The following BBX variants were observed in gnomAD, a reference collection of about 807,000 sequenced individuals.
The protein encoded by BBX is HMG box transcription factor BBX.
A neutral mutation model predicts 100.2 loss-of-function variants in BBX; 30 were observed. The observed-to-expected ratio is 0.30, with a 90% CI of 0.22 to 0.41. BBX has a LOEUF of 0.41. BBX is among the 10% of genes least tolerant of loss of function. BBX has a pLI of 1.00. For synonymous variants in BBX, 376 were observed against 388.1 expected (o/e 0.97, Z 0.37); for missense variants, 1,023 against 1,129.8 (o/e 0.91, Z 1.35).
intron 2 of BBX, among the ~76,000 whole-genome samples, chr3:107,641,086 T>C (rs2057170832): frequency 9.3e-6 from 1 of 107,956 alleles, no homozygotes; most frequent in African/African-American, 3.7e-5. Flanking sequence ...TTCTTTTCTT[T>C]CTTTTTTTTT....
chr3:107,524,807 G>T (rs1418867225), intron 1 of BBX, among the ~76,000 whole-genome samples: 1 of 146,430 alleles, frequency 6.8e-6, no homozygotes, highest in African/African-American at 2.5e-5. Flanking sequence ...GGAGGTGGGG[G>T]GGGGGGCGAA....
intron 2 of BBX, among the ~76,000 whole-genome samples, chr3:107,533,756 G>T (rs527262117): frequency 2.5e-4 from 38 of 152,134 alleles, no homozygotes; most frequent in Non-Finnish European, 5.0e-4. Flanking sequence ...ATTATGAAAG[G>T]CTACTTTCAT....
chr3:107,728,709 G>C, intron 5 of BBX, 56 bp from the exon 6 acceptor site: 2 of 1,496,386 alleles, frequency 1.3e-6, no homozygotes, highest in South Asian at 1.3e-5. Flanking sequence ...ACAGCCTTTA[G>C]AACTTTTTCA....
At chr3:107,801,338 A>G (rs982634856) in intron 17 of BBX, 57 bp downstream of exon 17, 1 of 1,560,084 alleles carries the variant, frequency 6.4e-7, no homozygotes, top group Non-Finnish European at 8.7e-7. Context: ...AACCTCTTTG[A>G]TGTGATTTGT....
chr3:107,684,628 C>A (rs1283931671), intron 3 of BBX: 1 of 152,170 alleles, frequency 6.6e-6, no homozygotes, highest in Non-Finnish European at 1.5e-5. Flanking sequence ...GCTGAAAACT[C>A]ACATGACTGA....
chr3:107,542,857 T>A (rs1363424221), intron 2 of BBX, among the ~76,000 whole-genome samples: 1 of 152,186 alleles, frequency 6.6e-6, no homozygotes, highest in Non-Finnish European at 1.5e-5. Flanking sequence ...CCACAATGCA[T>A]GGACCAGTCT....
intron 2 of BBX, among the ~76,000 whole-genome samples, chr3:107,592,209 G>A (rs191463840): frequency 5.3e-5 from 8 of 151,804 alleles, no homozygotes; most frequent in African/African-American, 1.9e-4. Context: ...GTTAAAAATG[G>A]TGTATTAAAC....
chr3:107,723,259 A>G (rs188783811), intron 5 of BBX, among the ~76,000 whole-genome samples: 1 of 152,156 alleles, frequency 6.6e-6, no homozygotes, highest in Admixed American at 6.6e-5. Flanking sequence ...GGACTTTTAG[A>G]TAGCACCTCC....
chr3:107,635,769 G>A (rs1354022289), intron 2 of BBX, among the ~76,000 whole-genome samples: 3 of 150,250 alleles, frequency 2.0e-5, no homozygotes, highest in Non-Finnish European at 4.4e-5. Flanking sequence ...CTGGGGTGCA[G>A]TGGCACCATC....
At chr3:107,556,322 A>G (rs923599466) in intron 2 of BBX, among the ~76,000 whole-genome samples, 1 of 152,202 alleles carries the variant, frequency 6.6e-6, no homozygotes, top group East Asian at 1.9e-4. Flanking sequence ...AAAATGGTTC[A>G]TATTAGATTC....
At chr3:107,801,058 A>G (rs1191638554) in intron 16 of BBX, 37 bp from the exon 17 acceptor site, 2 of 1,591,400 alleles carry the variant, frequency 1.3e-6, no homozygotes, top group Non-Finnish European at 1.7e-6. Flanking sequence ...GAGAGAACAG[A>G]GTGATCCTCT....
intron 3 of BBX, among the ~76,000 whole-genome samples, chr3:107,659,167 T>TA (rs1308635765): frequency 6.6e-6 from 1 of 151,898 alleles, no homozygotes; most frequent in Admixed American, 6.6e-5. Context: ...TGATGAGAGG[T>TA]AGGCATATTT....
Position 107,646,004 on chromosome 3 carries a change from C to G in BBX, c.-10+95C>G, listed in dbSNP as rs539029151. ...CTGTCAGAGCTGGTCTCAGCATGAT[C>G]AAGGAAGTGTGATCATTGGATATTT... On this transcript the variant is annotated intron_variant, in intron 3 of 17. Transcript: ENST00000325805. 5 of 152,694 alleles carry G rather than the reference C, an allele frequency of 3.3e-5. No homozygotes were observed. The East Asian group carries it at 5.8e-4, about 18-fold the overall frequency. The allele number at this position is 152,694 out of a possible 1,614,324, so 9.5% of individuals were successfully genotyped here.
intron 13 of BBX, among the ~76,000 whole-genome samples, chr3:107,787,986 A>G (rs2068611402): frequency 1.3e-5 from 2 of 152,188 alleles, no homozygotes; most frequent in Admixed American, 6.5e-5. Context: ...TTATGGAGGT[A>G]ATGGAGCTCT....
Position 107,764,164 on chromosome 3 carries a change from G to A in BBX, c.907-8464G>A, listed in dbSNP as rs1036038076. On this transcript the variant is annotated intron_variant, in intron 10 of 17. Transcript: ENST00000325805. ...CCCGCCACCATGCCCAGCTAATTTT[G>A]TGTTTCCAGTAGAGACAGGGTTTCA... 9.9e-5 allele frequency among the ~76,000 whole-genome samples: 15 copies of A among 152,242 alleles called. No homozygotes were observed. In the East Asian group the frequency reaches 2.7e-3, roughly 27 times the overall value.
At chr3:107,608,755 G>A (rs1446977205) in intron 2 of BBX, among the ~76,000 whole-genome samples, 1 of 152,110 alleles carries the variant, frequency 6.6e-6, no homozygotes, top group African/African-American at 2.4e-5. Context: ...ATGTTAAATA[G>A]TTTTCATTGT....
chr3:107,780,812 G>A (rs1186799268), intron 13 of BBX, among the ~76,000 whole-genome samples: 2 of 151,930 alleles, frequency 1.3e-5, no homozygotes, highest in Non-Finnish European at 2.9e-5. Context: ...TGCTGTAATT[G>A]CCTGATCTTT....
Position 107,785,703 on chromosome 3 carries a change from A to G in BBX, c.2204-4084A>G, listed in dbSNP as rs944058945. Among the ~76,000 whole-genome samples the G allele has an allele frequency of 3.9e-5, 6 of 152,156 alleles. No individual in the cohort carries two copies. The South Asian group carries it at 1.2e-3, about 32-fold the overall frequency. On this transcript the variant is annotated intron_variant, in intron 13 of 17. Transcript: ENST00000325805. ...CTCAGCCTGATAAAAGGCATCTACA[A>G]AAAATACACAGCTAACATGATACTT...
intron 3 of BBX, among the ~76,000 whole-genome samples, chr3:107,653,377 G>T (rs2057957605): frequency 6.6e-6 from 1 of 152,148 alleles, no homozygotes. Context: ...GAGATTTAAG[G>T]CAGGCACTTT....
Sources: allele counts gnomAD v4.1 joint callset (sites outside exome capture counted in the v4.1 genomes callset), GRCh38; gene constraint gnomAD v4.1.1; transcripts MANE v1.5; gene names NCBI Gene and HGNC (gene_info 2026-07-23, HGNC 2026-07-21).